The following MIPOL1 variants were observed in gnomAD, a reference collection of about 807,000 sequenced individuals.
MIPOL1 encodes the protein mirror-image polydactyly 1.
In MIPOL1, 57 loss-of-function variants were observed where a neutral mutation model predicts 60.9. The ratio of observed to expected loss-of-function variants is 0.94; its 90% CI spans 0.76 to 1.17. The LOEUF (loss-of-function observed/expected upper bound fraction) is 1.17. MIPOL1 is among the 50% of genes most tolerant of loss of function. The pLI is 0.00. For missense variants in MIPOL1, 551 were observed against 511.6 expected, an observed-to-expected ratio of 1.08 and a Z score of -0.74; for synonymous variants, 179 against 168.8, an observed-to-expected ratio of 1.06 and a Z score of -0.47.
At chr14:37,493,439 G>A (rs114232583) in intron 11 of MIPOL1, among the ~76,000 whole-genome samples, 1,643 of 152,154 alleles carry the variant, frequency 0.011, 27 homozygotes, top group African/African-American at 0.033. Flanking sequence ...ACCAGGGAAC[G>A]TAGAAACCAA....
intron 1 of MIPOL1, among the ~76,000 whole-genome samples, chr14:37,218,179 AATTATT>A (rs1332717120): frequency 2.0e-5 from 3 of 151,274 alleles, no homozygotes. Flanking sequence ...ATCTTTTTTT[AATTATT>A]ATTATTATTT....
chr14:37,443,968 TG>T (rs2153568580), intron 11 of MIPOL1, among the ~76,000 whole-genome samples: 1 of 152,252 alleles, frequency 6.6e-6, no homozygotes, highest in East Asian at 1.9e-4. Context: ...TTGTTCAGTC[TG>T]ACTGATAAAG....
At chr14:37,200,213 T>C (rs1284433062) in intron 1 of MIPOL1, among the ~76,000 whole-genome samples, 1 of 152,242 alleles carries the variant, frequency 6.6e-6, no homozygotes, top group African/African-American at 2.4e-5. Context: ...TCGGACTACC[T>C]GTATTTTAGG....
At chr14:37,249,146 T>C (rs1001397252) in intron 3 of MIPOL1, among the ~76,000 whole-genome samples, 8 of 152,146 alleles carry the variant, frequency 5.3e-5, no homozygotes, top group Non-Finnish European at 8.8e-5. Context: ...TCTTTCTGAA[T>C]GTGATATTAC....
At chr14:37,420,659 A>G (rs1036287950) in intron 10 of MIPOL1, among the ~76,000 whole-genome samples, 1 of 152,114 alleles carries the variant, frequency 6.6e-6, no homozygotes, top group Non-Finnish European at 1.5e-5. Context: ...CCCCCAACAA[A>G]GGATTTATCT....
chr14:37,266,589 T>A (rs2082889501), intron 3 of MIPOL1, among the ~76,000 whole-genome samples: 1 of 152,148 alleles, frequency 6.6e-6, no homozygotes, highest in African/African-American at 2.4e-5. Flanking sequence ...GGACATATTT[T>A]TAAAAAACTC....
intron 9 of MIPOL1, among the ~76,000 whole-genome samples, chr14:37,358,191 A>G (rs2091977647): frequency 6.6e-6 from 1 of 152,164 alleles, no homozygotes; most frequent in Non-Finnish European, 1.5e-5. Context: ...ATGGCTGCAT[A>G]GTATTCCATG....
At chr14:37,543,167 A>G (rs964943665) in intron 12 of MIPOL1, among the ~76,000 whole-genome samples, 1 of 152,202 alleles carries the variant, frequency 6.6e-6, no homozygotes, top group Non-Finnish European at 1.5e-5. Flanking sequence ...TTTGGATCCC[A>G]TATCCTAAAT....
rs1160169950 is a variant in MIPOL1 at position 37,330,702 on chromosome 14, T to G, written c.828+22183T>G. ...AGACTGTGTAGCTTTTGTTTTTGTG[T>G]CCTCTTCATTTTTTTTTTTTTTGCA... is the stretch of plus-strand genomic sequence containing the variant. On this transcript the variant is annotated intron_variant, in intron 9 of 12. Coordinates refer to ENST00000684589, the MANE Select transcript of MIPOL1 (RefSeq NM_001388067.1). Among the ~76,000 whole-genome samples the G allele has an allele frequency of 8.6e-5, 7 of 81,492 alleles. No homozygotes were observed. The Admixed American group carries it at 1.4e-3, about 17-fold the overall frequency. The allele number at this position is 81,492 out of a possible 152,430, so 53.5% of individuals were successfully genotyped here.
intron 11 of MIPOL1, among the ~76,000 whole-genome samples, chr14:37,451,963 C>T (rs1434399337): frequency 2.0e-5 from 3 of 150,588 alleles, no homozygotes; most frequent in Admixed American, 1.3e-4. Flanking sequence ...TACAGGCGCC[C>T]GCCATCACGC....
intron 9 of MIPOL1, among the ~76,000 whole-genome samples, chr14:37,312,855 G>T (rs1170027951): frequency 6.6e-6 from 1 of 152,020 alleles, no homozygotes; most frequent in African/African-American, 2.4e-5. Flanking sequence ...GAAATATCTG[G>T]AATCAGAAGA....
At position 37,481,365 on chromosome 14, in the gene MIPOL1, A is replaced by G. The variant is rs541868687; in HGVS notation, c.1032-18543A>G. ...ATGAAAACTCTAAAATGTCAATGAA[A>G]GAGATTGAAGAGGACACAAATAAGT... On this transcript the variant is annotated intron_variant, in intron 11 of 12. Transcript: ENST00000684589. Among the ~76,000 whole-genome samples, 3 of 152,274 alleles carry G rather than the reference A, an allele frequency of 2.0e-5. No individual in the cohort carries two copies. The East Asian group carries it at 5.8e-4, about 29-fold the overall frequency.
Position 37,399,157 on chromosome 14 carries a change from A to G in MIPOL1, c.937-23698A>G, listed in dbSNP as rs144858641. Among the ~76,000 whole-genome samples the G allele has an allele frequency of 3.1e-3, 466 of 152,312 alleles. 1 individual carries two copies. Among genetic ancestry groups the G allele is most frequent in the African/African-American group, 0.01 (427 of 41,564 alleles). On this transcript the variant is annotated intron_variant, in intron 10 of 12. Transcript: ENST00000684589. ...CAATTTAGTTGCAACCTCTGAATGA[A>G]TATGTGTATTAATAACTTCACTCAG...
At chr14:37,253,220 G>T (rs1567160814) in intron 3 of MIPOL1, among the ~76,000 whole-genome samples, 1 of 151,706 alleles carries the variant, frequency 6.6e-6, no homozygotes, top group Non-Finnish European at 1.5e-5. Context: ...AAAATGTTAT[G>T]GTGGAAAGAA....
intron 10 of MIPOL1, among the ~76,000 whole-genome samples, chr14:37,390,478 G>C (rs2093207139): frequency 6.6e-6 from 1 of 151,960 alleles, no homozygotes; most frequent in Non-Finnish European, 1.5e-5. Flanking sequence ...CTGACTTAAA[G>C]TTGATCCAAT....
chr14:37,432,166 G>T (rs1463905231), intron 11 of MIPOL1, among the ~76,000 whole-genome samples: 2 of 152,076 alleles, frequency 1.3e-5, no homozygotes, highest in Non-Finnish European at 2.9e-5. Flanking sequence ...TTAAGTAACA[G>T]CTATTCTATT....
Position 37,374,045 on chromosome 14 carries a change from G to A in MIPOL1, c.936+4421G>A, listed in dbSNP as rs191813134. 7.9e-5 allele frequency among the ~76,000 whole-genome samples: 12 copies of A among 152,196 alleles called. No individual in the cohort carries two copies. In the East Asian group the frequency reaches 2.3e-3, roughly 29 times the overall value. The stretch of plus-strand genomic sequence containing the variant: ...TTTCTCCACATCCTCTCCACCATCT[G>A]TTGTTTCTTGATTTTTTAATGATCA... On this transcript the variant is annotated intron_variant, in intron 10 of 12. Coordinates refer to ENST00000684589, the MANE Select transcript of MIPOL1 (RefSeq NM_001388067.1).
chr14:37,548,102 GGATGAAATAGACAAGTAGA>G lies in MIPOL1; in HGVS notation c.*1135_*1153del, dbSNP rs2095552760. On this transcript the variant is annotated 3_prime_UTR_variant, in exon 13 of 13. Transcript: ENST00000684589. ...AGAGGAAATGACTGTGCCTGGAACA[GGATGAAATAGACAAGTAGA>G]GATTTAATTAGCAAAAATTTTGTAG... 1 of 152,004 alleles carries G rather than the reference GGATGAAATAGACAAGTAGA, an allele frequency of 6.6e-6. No homozygotes were observed. The highest frequency in any genetic ancestry group is 2.1e-4 in the South Asian group (1 of 4,832). The allele number at this position is 152,004 out of a possible 1,614,324, so 9.4% of individuals were successfully genotyped here.
At chr14:37,500,207 C>A in intron 12 of MIPOL1, 69 bp downstream of exon 12, 1 of 1,047,122 alleles carries the variant, frequency 9.5e-7, no homozygotes, top group Non-Finnish European at 1.4e-6. Context: ...CTTTTGGGAA[C>A]TAAACAATAT....
Sources: gnomAD v4.1 joint callset for allele counts (sites outside exome capture counted in the v4.1 genomes callset) on GRCh38, gnomAD v4.1.1 for gene constraint, MANE v1.5 for transcripts, NCBI Gene and HGNC (gene_info 2026-07-23, HGNC 2026-07-21) for gene names.